The following ADIPOR2 variants were observed in gnomAD, a reference collection of about 807,000 sequenced individuals.
ADIPOR2 encodes adiponectin receptor 2.
In ADIPOR2, 18 loss-of-function variants were observed where a neutral mutation model predicts 40.9. That is an observed-to-expected ratio of 0.44 (90% CI 0.30 to 0.65). The LOEUF (loss-of-function observed/expected upper bound fraction) is 0.65. Among genes scored for constraint, ADIPOR2 ranks in the 30% least tolerant of loss-of-function variants. The probability of loss-of-function intolerance (pLI) is 0.09; values close to 1 mark genes in which losing one functional copy is unlikely to be tolerated. For synonymous variants in ADIPOR2, 165 were observed against 166.4 expected (o/e 0.99, Z 0.06); for missense variants, 283 against 479.2 (o/e 0.59, Z 3.82).
chr12:1,727,738 C>T (rs1417251548), intron 1 of ADIPOR2, among the ~76,000 whole-genome samples: 1 of 152,010 alleles, frequency 6.6e-6, no homozygotes, highest in East Asian at 1.9e-4. Flanking sequence ...GGGGTATTCT[C>T]TTCCTATGCA....
In ADIPOR2 at chr12:1,787,016, T is replaced by G. The variant is rs2154444656; in HGVS notation, c.*944T>G. On this transcript the variant is annotated 3_prime_UTR_variant, in exon 8 of 8. Transcript: ENST00000357103. ...AAACATTAGCATGGGCTGATCTGAT[T>G]ACTTCCTGGCATCCCGCTCACTTTT... 6.6e-6 allele frequency: 1 copy of G among 152,340 alleles called. No individual in the cohort carries two copies. The highest frequency in any genetic ancestry group is 1.9e-4 in the East Asian group (1 of 5,194). 9.4% of individuals were successfully genotyped at this position (152,340 alleles called of 1,614,324 possible).
chr12:1,785,910 T>A (rs1227396936), intron 7 of ADIPOR2, 34 bp from the exon 8 acceptor site: 5 of 1,611,562 alleles, frequency 3.1e-6, no homozygotes, highest in Non-Finnish European at 4.2e-6. Flanking sequence ...TGTATGGGTT[T>A]CTCTACCCCC....
At chr12:1,699,448 G>A (rs1488258549) in intron 1 of ADIPOR2, among the ~76,000 whole-genome samples, 1 of 151,950 alleles carries the variant, frequency 6.6e-6, no homozygotes, top group African/African-American at 2.4e-5. Flanking sequence ...CGAAACCCCC[G>A]TCTCTACTGA....
At chr12:1,730,739 A>G (rs1024064100) in intron 1 of ADIPOR2, 4 of 152,114 alleles carry the variant, frequency 2.6e-5, no homozygotes, top group African/African-American at 9.7e-5. Context: ...AATCTTTAGC[A>G]TCAGTTGGGC....
intron 1 of ADIPOR2, among the ~76,000 whole-genome samples, chr12:1,746,062 A>T (rs979873348): frequency 1.3e-5 from 2 of 152,224 alleles, no homozygotes; most frequent in African/African-American, 2.4e-5. Flanking sequence ...GATTAAAAAA[A>T]AAATGACATG....
At chr12:1,693,015 T>C (rs1443912770) in intron 1 of ADIPOR2, among the ~76,000 whole-genome samples, 1 of 151,848 alleles carries the variant, frequency 6.6e-6, no homozygotes, top group Non-Finnish European at 1.5e-5. Context: ...ATTAGCCGGG[T>C]GTGGTGGCGC....
At chr12:1,779,244 A>G (rs1862663831) in intron 4 of ADIPOR2, among the ~76,000 whole-genome samples, 1 of 152,246 alleles carries the variant, frequency 6.6e-6, no homozygotes, top group African/African-American at 2.4e-5. Flanking sequence ...CATTATTCAT[A>G]ATAGCTAAAA....
chr12:1,750,478 G>A (rs2094766757), intron 1 of ADIPOR2, among the ~76,000 whole-genome samples: 1 of 151,882 alleles, frequency 6.6e-6, no homozygotes, highest in South Asian at 2.1e-4. Context: ...GAGGGCAGGA[G>A]GATCCGTTGA....
intron 1 of ADIPOR2, among the ~76,000 whole-genome samples, chr12:1,739,943 A>G (rs1347145115): frequency 3.3e-5 from 5 of 151,456 alleles, no homozygotes; most frequent in Admixed American, 2.6e-4. Context: ...TCTACTAAAA[A>G]TACAAAAAAT....
At chr12:1,741,974 A>AT in intron 1 of ADIPOR2, among the ~76,000 whole-genome samples, 1 of 151,714 alleles carries the variant, frequency 6.6e-6, no homozygotes, top group Non-Finnish European at 1.5e-5. Flanking sequence ...AAAGAATTTT[A>AT]TTACCTCTAG....
chr12:1,761,228 G>T (rs1435454584), intron 2 of ADIPOR2, among the ~76,000 whole-genome samples: 4 of 152,056 alleles, frequency 2.6e-5, no homozygotes, highest in Non-Finnish European at 4.4e-5. Flanking sequence ...CCTGTGGATG[G>T]GGGGAAACTA....
At chr12:1,784,383 G>A (rs34903315) in intron 7 of ADIPOR2, among the ~76,000 whole-genome samples, 10,681 of 152,254 alleles carry the variant, frequency 0.07, 998 homozygotes, top group African/African-American at 0.21. Context: ...GCTTAGGGAG[G>A]TGAGGCCACT....
chr12:1,712,922 C>G (rs902834759), intron 1 of ADIPOR2, among the ~76,000 whole-genome samples: 1 of 152,086 alleles, frequency 6.6e-6, no homozygotes, highest in Non-Finnish European at 1.5e-5. Flanking sequence ...GATTTAGATG[C>G]CTTGTACCCT....
At chr12:1,783,820 C>T (rs1862774523) in intron 6 of ADIPOR2, 60 bp from the exon 7 acceptor site, 7 of 1,405,252 alleles carry the variant, frequency 5.0e-6, no homozygotes, top group Admixed American at 4.4e-5. Context: ...TGCTGTAATA[C>T]TGACTTCTGG....
intron 1 of ADIPOR2, among the ~76,000 whole-genome samples, chr12:1,748,030 C>T (rs928831486): frequency 3.9e-5 from 6 of 152,036 alleles, no homozygotes; most frequent in African/African-American, 1.4e-4. Context: ...CACTTTTTCT[C>T]CTCTCCTTTT....
chr12:1,751,436 TATTTGTTGTC>T (rs1207282648), intron 1 of ADIPOR2, among the ~76,000 whole-genome samples: 1 of 152,230 alleles, frequency 6.6e-6, no homozygotes, highest in Admixed American at 6.5e-5. Flanking sequence ...GGGGAACTCT[TATTTGTTGTC>T]ATTTGATTTC....
intron 1 of ADIPOR2, among the ~76,000 whole-genome samples, chr12:1,713,704 A>G (rs2094682099): frequency 6.6e-6 from 1 of 152,092 alleles, no homozygotes; most frequent in Non-Finnish European, 1.5e-5. Context: ...ATAACAAGAA[A>G]GGCATGTGAA....
At chr12:1,734,265 A>G (rs1384284415) in intron 1 of ADIPOR2, among the ~76,000 whole-genome samples, 2 of 152,168 alleles carry the variant, frequency 1.3e-5, no homozygotes, top group Admixed American at 1.3e-4. Flanking sequence ...CATTCTCTCC[A>G]GTACCTGTTG....
intron 2 of ADIPOR2, chr12:1,757,203 A>T (rs1862151173): frequency 4.8e-6 from 2 of 416,276 alleles, no homozygotes; most frequent in Non-Finnish European, 8.8e-6. Flanking sequence ...TTACGTACAA[A>T]GATCTAACAT....
Sources: allele counts gnomAD v4.1 joint callset (sites outside exome capture counted in the v4.1 genomes callset), GRCh38; gene constraint gnomAD v4.1.1; transcripts MANE v1.5; gene names NCBI Gene and HGNC (gene_info 2026-07-23, HGNC 2026-07-21).